GJB7: variants seen among roughly 807,000 people sequenced by gnomAD.
The protein encoded by GJB7 is gap junction protein beta 7.
For missense variants in GJB7, 253 were observed against 256.8 expected, an observed-to-expected ratio of 0.99 and a Z score of 0.10; for synonymous variants, 87 against 95.2, an observed-to-expected ratio of 0.91 and a Z score of 0.50.
In GJB7 at chr6:87,323,804, T is replaced by A. The variant is rs556452624; in HGVS notation, c.-205-761A>T. Among the ~76,000 whole-genome samples the A allele has an allele frequency of 4.2e-4, 64 of 152,162 alleles. No individual in the cohort carries two copies. The East Asian group carries it at 0.012, about 29-fold the overall frequency. ...GGTATATACCCAGTAATGGGATGGC[T>A]GGGTCAAATGGTATTTCTAGTTCTA... On this transcript the variant is annotated intron_variant, in intron 1 of 2. Transcript: ENST00000525899.
chr6:87,287,991 C>T (rs796150537), intron 2 of GJB7, among the ~76,000 whole-genome samples: 2 of 152,144 alleles, frequency 1.3e-5, no homozygotes, highest in South Asian at 4.1e-4. Context: ...CAACCTCCGC[C>T]TCCCGGGTTC....
rs769639101 is a variant in GJB7, at chr6:87,284,720, AAC to A, written c.191_192del (p.Cys64PhefsTer2). ...TGGGAAATGGGGAAGAAGTCATCAA[AAC>A]ACACATTTTTGCAACCGGGCTGTCT... ...NSRQPGCKNV[C>X]FDDFFPISQV... On this transcript the variant is annotated frameshift_variant, in exon 3 of 3. Transcript: ENST00000525899. LOFTEE classifies it low-confidence loss of function (END_TRUNC). 9 of 1,614,170 alleles carry A rather than the reference AAC, an allele frequency of 5.6e-6. 1 individual carries two copies. The highest frequency in any genetic ancestry group is 5.5e-5 in the South Asian group (5 of 91,080).
intron 2 of GJB7, among the ~76,000 whole-genome samples, chr6:87,298,310 T>A (rs1296822145): frequency 6.6e-6 from 1 of 152,106 alleles, no homozygotes; most frequent in Non-Finnish European, 1.5e-5. Context: ...TTCCCTTAGG[T>A]TTTCACTGAT....
chr6:87,315,037 T>A (rs1231584225), intron 2 of GJB7, among the ~76,000 whole-genome samples: 3 of 152,220 alleles, frequency 2.0e-5, no homozygotes, highest in African/African-American at 4.8e-5. Flanking sequence ...CCCAGCTATC[T>A]TTCCACTCTG....
In GJB7 at chr6:87,284,457, G is replaced by T. The variant is rs754396316; in HGVS notation, c.456C>A (p.Pro152=). Residue 152 remains proline (P), a synonymous_variant, in exon 3 of 3, where the codon CCC becomes CCA. Transcript: ENST00000525899. ...FYKLYDGFSV[P]YLIKCDLKPC... is the part of the protein sequence containing the mutation. ...GCTTCAAATCACACTTTATAAGGTA[G>T]GGAACACTAAAGCCATCATATAGCT... 2.5e-6 allele frequency: 4 copies of T among 1,614,036 alleles called. No individual in the cohort carries two copies. Among genetic ancestry groups the T allele is most frequent in the Non-Finnish European group, 3.4e-6 (4 of 1,179,988 alleles).
chr6:87,309,767 G>C (rs980166351), intron 2 of GJB7, among the ~76,000 whole-genome samples: 3 of 152,142 alleles, frequency 2.0e-5, no homozygotes, highest in Admixed American at 6.6e-5. Context: ...CCTCTAGAAA[G>C]TATCCTTTCT....
intron 1 of GJB7, among the ~76,000 whole-genome samples, chr6:87,327,329 C>G (rs1278343372): frequency 1.3e-5 from 2 of 151,734 alleles, no homozygotes; most frequent in East Asian, 3.9e-4. Context: ...CGTTATTTTG[C>G]TCGTTAGTTG....
At chr6:87,325,145 A>C (rs1295526048) in intron 1 of GJB7, among the ~76,000 whole-genome samples, 2 of 152,198 alleles carry the variant, frequency 1.3e-5, no homozygotes, top group Non-Finnish European at 2.9e-5. Flanking sequence ...GAAGTTGCTT[A>C]TCAGCTTAAG....
At chr6:87,296,214 T>C (rs1409314278) in intron 2 of GJB7, among the ~76,000 whole-genome samples, 3 of 152,250 alleles carry the variant, frequency 2.0e-5, no homozygotes, top group African/African-American at 7.2e-5. Context: ...AAAAACTGTG[T>C]GTGCACAGGG....
intron 2 of GJB7, among the ~76,000 whole-genome samples, chr6:87,292,988 G>A (rs867531632): frequency 4.6e-5 from 7 of 152,136 alleles, no homozygotes; most frequent in South Asian, 2.1e-4. Context: ...ATCCATATAT[G>A]CAATCCAAAA....
intron 2 of GJB7, among the ~76,000 whole-genome samples, chr6:87,307,832 T>C (rs551279756): frequency 1.7e-4 from 26 of 152,254 alleles, no homozygotes; most frequent in African/African-American, 6.3e-4. Context: ...TCCTCAAGGA[T>C]CTAGAACTAG....
chr6:87,284,306 G>T lies in GJB7; in HGVS notation c.607C>A (p.Leu203Ile), dbSNP rs370441431. ...AGACAGCACTTAATAAAGCACTTGA[G>T]AACCAAAAAACTCAGTTCAATGAAA... is the stretch of plus-strand genomic sequence containing the variant. ...LNFIELSFLVLKCFIKCCLQK... is the reference protein window; with the variant it reads ...LNFIELSFLVIKCFIKCCLQK... Residue 203 changes from leucine to isoleucine, a missense_variant, in exon 3 of 3, where the codon CTC becomes ATC. By Grantham distance (5) the Leu-to-Ile change is conservative. Transcript: ENST00000525899. The T allele has an allele frequency of 4.7e-5, 76 of 1,613,758 alleles. No individual in the cohort carries two copies. The highest frequency in any genetic ancestry group is 6.2e-5 in the Non-Finnish European group (73 of 1,179,912).
chr6:87,327,644 C>G (rs1291464215), intron 1 of GJB7, among the ~76,000 whole-genome samples: 4 of 151,236 alleles, frequency 2.6e-5, no homozygotes, highest in Non-Finnish European at 1.5e-5. Flanking sequence ...TGATGGGCTT[C>G]CCTTTGTGGG....
chr6:87,320,587 G>A (rs1033246592), intron 2 of GJB7, among the ~76,000 whole-genome samples: 3 of 152,088 alleles, frequency 2.0e-5, no homozygotes, highest in African/African-American at 7.2e-5. Flanking sequence ...CAAGGTGGTC[G>A]GGCTACAGCT....
chr6:87,298,051 G>C (rs754543657), intron 2 of GJB7, among the ~76,000 whole-genome samples: 1 of 152,208 alleles, frequency 6.6e-6, no homozygotes, highest in South Asian at 2.1e-4. Flanking sequence ...CTTGAAAGCA[G>C]GTATTGGCTG....
At chr6:87,306,894 AATC>A (rs1776436732) in intron 2 of GJB7, among the ~76,000 whole-genome samples, 1 of 152,212 alleles carries the variant, frequency 6.6e-6, no homozygotes, top group African/African-American at 2.4e-5. Context: ...ATGAATTGGA[AATC>A]ATCATTCTCA....
At position 87,321,226 on chromosome 6, in the gene GJB7, C is replaced by CA. The variant is rs56855977; in HGVS notation, c.-28+1639dup. 1.3e-3 allele frequency among the ~76,000 whole-genome samples: 130 copies of CA among 101,214 alleles called. 2 individuals are homozygous for CA. The highest frequency in any genetic ancestry group is 3.8e-3 in the East Asian group (14 of 3,722). The allele number at this position is 101,214 out of a possible 152,430, so 66.4% of individuals were successfully genotyped here. ...AGAGTGACACTCCGACACTCCATCTCAAAAAAAAAAAAAAAAAAGATCTAG... is the reference window on the plus strand; with the variant it reads ...AGAGTGACACTCCGACACTCCATCTCAAAAAAAAAAAAAAAAAAAGATCTAG... On this transcript the variant is annotated intron_variant, in intron 2 of 2. Transcript: ENST00000525899.
At chr6:87,305,995 T>G (rs1362666143) in intron 2 of GJB7, among the ~76,000 whole-genome samples, 1 of 151,866 alleles carries the variant, frequency 6.6e-6, no homozygotes, top group East Asian at 1.9e-4. Flanking sequence ...TGAAACTGGA[T>G]CCCTTCCTTA....
chr6:87,325,435 C>T lies in GJB7; in HGVS notation c.-205-2392G>A, dbSNP rs556798685. On this transcript the variant is annotated intron_variant, in intron 1 of 2. Coordinates refer to ENST00000525899, the MANE Select transcript of GJB7 (RefSeq NM_198568.3). ...AGATAGCTCTTATTATTTTGAGATA[C>T]GTCCCATCAATACCTAATTTATTGA... 3.1e-3 allele frequency among the ~76,000 whole-genome samples: 454 copies of T among 147,846 alleles called. 7 individuals carry two copies. Among genetic ancestry groups the T allele is most frequent in the East Asian group, 0.014 (72 of 5,124 alleles).
Sources: gnomAD v4.1 joint callset for allele counts (sites outside exome capture counted in the v4.1 genomes callset) on GRCh38, gnomAD v4.1.1 for gene constraint, MANE v1.5 for transcripts, NCBI Gene and HGNC (gene_info 2026-07-23, HGNC 2026-07-21) for gene names.